Variants in RARB observed in about 807,000 individuals in gnomAD.
The protein encoded by RARB is retinoic acid receptor beta.
Under a neutral mutation model 51.9 loss-of-function variants are expected in RARB, and 17 were observed. The ratio of observed to expected loss-of-function variants is 0.33; its 90% CI spans 0.22 to 0.49. The LOEUF (loss-of-function observed/expected upper bound fraction) is 0.49, where lower values mean the gene tolerates loss of function less well. Among genes scored for constraint, RARB ranks in the 20% least tolerant of loss-of-function variants. RARB has a pLI of 0.99. For synonymous variants in RARB, 215 were observed against 195.4 expected (o/e 1.10, Z -0.84); for missense variants, 369 against 550.8 (o/e 0.67, Z 3.30).
chr3:25,121,596 A>AT (rs2125329425), intron 3 of RARB, among the ~76,000 whole-genome samples: 1 of 152,258 alleles, frequency 6.6e-6, no homozygotes, highest in African/African-American at 2.4e-5. Context: ...TGTAGGTGGA[A>AT]TGGGGATTTG....
intron 2 of RARB, among the ~76,000 whole-genome samples, chr3:24,896,841 G>T (rs1003077761): frequency 6.6e-6 from 1 of 152,090 alleles, no homozygotes; most frequent in Non-Finnish European, 1.5e-5. Flanking sequence ...CTCTATTTCA[G>T]ACATGTCTCA....
At chr3:25,208,369 G>C (rs1167933124) in intron 5 of RARB, among the ~76,000 whole-genome samples, 1 of 152,152 alleles carries the variant, frequency 6.6e-6, no homozygotes, top group African/African-American at 2.4e-5. Flanking sequence ...TCCACTTATA[G>C]ACAGTAAAAT....
At chr3:25,192,310 A>G (rs1701122332) in intron 5 of RARB, among the ~76,000 whole-genome samples, 1 of 152,078 alleles carries the variant, frequency 6.6e-6, no homozygotes, top group South Asian at 2.1e-4. Context: ...AAAGATTTTG[A>G]TTGGTAAAGA....
At chr3:24,868,002 A>G (rs1269555596) in intron 2 of RARB, among the ~76,000 whole-genome samples, 1 of 152,158 alleles carries the variant, frequency 6.6e-6, no homozygotes, top group Non-Finnish European at 1.5e-5. Context: ...GAGATGATTC[A>G]TCCTTACTAA....
intron 1 of RARB, among the ~76,000 whole-genome samples, chr3:24,858,302 C>T (rs1005714242): frequency 2.6e-5 from 4 of 151,988 alleles, no homozygotes; most frequent in African/African-American, 4.8e-5. Context: ...TTTTAATTTG[C>T]TATTGGGTCA....
At chr3:25,313,885 C>T (rs769469254) in intron 5 of RARB, among the ~76,000 whole-genome samples, 15 of 152,020 alleles carry the variant, frequency 9.9e-5, no homozygotes, top group Middle Eastern at 3.4e-3. Flanking sequence ...GCCTGGGCAA[C>T]GTAGTGAGAC....
rs555625439 is a variant in RARB at position 25,162,919 on chromosome 3, C to G, written c.-279-11200C>G. ...GTTTTATGTGGACATGTTTTCAATT[C>G]CCTTGACTGTATACAGCCAGAATTG... On this transcript the variant is annotated intron_variant, in intron 4 of 11. Transcript: ENST00000383772. 5.3e-5 allele frequency among the ~76,000 whole-genome samples: 8 copies of G among 152,282 alleles called. 1 individual carries two copies. The highest frequency in any genetic ancestry group is 1.9e-4 in the African/African-American group (8 of 41,556).
intron 5 of RARB, among the ~76,000 whole-genome samples, chr3:25,307,186 G>A (rs1405404187): frequency 6.6e-6 from 1 of 152,002 alleles, no homozygotes; most frequent in Non-Finnish European, 1.5e-5. Flanking sequence ...GACCAGCCTG[G>A]ACAACATAGT....
chr3:25,533,361 G>A (rs538851598), intron 3 of RARB, among the ~76,000 whole-genome samples: 3 of 152,308 alleles, frequency 2.0e-5, no homozygotes, highest in South Asian at 2.1e-4. Context: ...TGAGAGGACT[G>A]TAATAGCACC....
chr3:25,211,109 A>C (rs73147390), intron 5 of RARB, among the ~76,000 whole-genome samples: 4 of 152,212 alleles, frequency 2.6e-5, no homozygotes, highest in African/African-American at 9.6e-5. Flanking sequence ...CTGTTAACAA[A>C]TATTAACTTT....
At chr3:24,910,773 A>G (rs1270376223) in intron 2 of RARB, among the ~76,000 whole-genome samples, 1 of 152,182 alleles carries the variant, frequency 6.6e-6, no homozygotes, top group Non-Finnish European at 1.5e-5. Context: ...ATGGAGAATT[A>G]TGAGGGAGGA....
rs116156775 is a variant in RARB at position 25,216,646 on chromosome 3, A to G, written c.178+42071A>G. ...GGGTCAGTAGGTGCAGCGAAGCACCATAGCACATGTATACTTATTGCAACA... is the reference window on the plus strand; with the variant it reads ...GGGTCAGTAGGTGCAGCGAAGCACCGTAGCACATGTATACTTATTGCAACA... On this transcript the variant is annotated intron_variant, in intron 5 of 11. Coordinates refer to the RARB transcript ENST00000383772. Among the ~76,000 whole-genome samples, 1,159 of 151,960 alleles carry G rather than the reference A, an allele frequency of 7.6e-3. 17 individuals carry two copies. Among genetic ancestry groups the G allele is most frequent in the African/African-American group, 0.026 (1,092 of 41,446 alleles).
At chr3:24,906,103 C>G (rs1156538675) in intron 2 of RARB, among the ~76,000 whole-genome samples, 2 of 152,182 alleles carry the variant, frequency 1.3e-5, no homozygotes, top group African/African-American at 2.4e-5. Flanking sequence ...AAAGTCGAGA[C>G]AGCCAATAAG....
At chr3:25,155,388 C>T (rs544200905) in intron 4 of RARB, among the ~76,000 whole-genome samples, 2 of 152,204 alleles carry the variant, frequency 1.3e-5, no homozygotes, top group Non-Finnish European at 2.9e-5. Flanking sequence ...TTGTTCCTCC[C>T]TTACTGTCTT....
intron 3 of RARB, among the ~76,000 whole-genome samples, chr3:25,552,014 C>T (rs1489539991): frequency 6.6e-6 from 1 of 152,114 alleles, no homozygotes; most frequent in African/African-American, 2.4e-5. Flanking sequence ...AAGAGGCATC[C>T]TAAAAAGTTC....
At chr3:25,015,749 G>C (rs1452084705) in intron 2 of RARB, among the ~76,000 whole-genome samples, 1 of 152,160 alleles carries the variant, frequency 6.6e-6, no homozygotes, top group African/African-American at 2.4e-5. Flanking sequence ...AGTAGATTTA[G>C]TGCTTTTAGA....
rs556911585 is a variant in RARB at position 24,955,270 on chromosome 3, C to T, written c.-380+96518C>T. 3.9e-4 allele frequency among the ~76,000 whole-genome samples: 60 copies of T among 152,260 alleles called. 1 individual carries two copies. The South Asian group carries it at 8.9e-3, about 23-fold the overall frequency. On this transcript the variant is annotated intron_variant, in intron 2 of 11. Coordinates refer to the RARB transcript ENST00000383772. ...AGTCATGCCATCTGAAGTTAAGCTGCGTCTGTCTGTAGTCTCCAACACTCA... is the reference window on the plus strand; with the variant it reads ...AGTCATGCCATCTGAAGTTAAGCTGTGTCTGTCTGTAGTCTCCAACACTCA...
At position 25,428,794 on chromosome 3, in the gene RARB, G is replaced by A. The variant is rs765882393; in HGVS notation, c.63G>A (p.Ala21=). Residue 21 remains alanine, a synonymous_variant, in exon 1 of 8, where the codon GCG becomes GCA. Coordinates refer to ENST00000330688, the MANE Select transcript of RARB (RefSeq NM_000965.5). ...GGCAAATCCTGGATTTCTACACTGC[G>A]AGTCCGTCTTCCTGCATGCTCCAGG... ...SPGQILDFYT[A]SPSSCMLQEK... The A allele has an allele frequency of 8.1e-6, 13 of 1,613,994 alleles. No homozygotes were observed. In the Admixed American group the frequency reaches 1.5e-4, roughly 19 times the overall value.
At chr3:25,170,993 C>A (rs561923768) in intron 4 of RARB, among the ~76,000 whole-genome samples, 1 of 151,694 alleles carries the variant, frequency 6.6e-6, no homozygotes, top group Admixed American at 6.6e-5. Context: ...TCAACTATAC[C>A]GACAATTATT....
Sources: gnomAD v4.1 joint callset for allele counts (sites outside exome capture counted in the v4.1 genomes callset) on GRCh38, gnomAD v4.1.1 for gene constraint, MANE v1.5 for transcripts, NCBI Gene and HGNC (gene_info 2026-07-23, HGNC 2026-07-21) for gene names.